CRPPA: variants seen among roughly 807,000 people sequenced by gnomAD.
CRPPA encodes the protein D-ribitol-5-phosphate cytidylyltransferase.
In CRPPA, 43 loss-of-function variants were observed where a neutral mutation model predicts 52.0. The observed-to-expected ratio is 0.83, with a 90% CI of 0.65 to 1.07. The LOEUF (loss-of-function observed/expected upper bound fraction) is 1.07, where lower values mean the gene tolerates loss of function less well. Among genes scored for constraint, CRPPA ranks in the 50% least tolerant of loss-of-function variants. The pLI, the probability that CRPPA is intolerant of heterozygous loss-of-function variation, is 0.00. For missense variants in CRPPA, 629 were observed against 551.7 expected (o/e 1.14, Z -1.40); for synonymous variants, 250 against 203.5 (o/e 1.23, Z -1.94).
At chr7:16,340,856 C>T (rs932676927) in intron 3 of CRPPA, among the ~76,000 whole-genome samples, 2 of 152,100 alleles carry the variant, frequency 1.3e-5, no homozygotes, top group African/African-American at 2.4e-5. Flanking sequence ...AGCAACCAAA[C>T]ATTCTTCAGT....
chr7:16,402,930 T>C (rs749730625), intron 2 of CRPPA, among the ~76,000 whole-genome samples: 120 of 152,092 alleles, frequency 7.9e-4, no homozygotes, highest in Non-Finnish European at 1.2e-3. Context: ...TCAATGTTCA[T>C]AAAGGACAAT....
chr7:16,204,863 T>A (rs755348445), intron 9 of CRPPA, among the ~76,000 whole-genome samples: 2 of 152,228 alleles, frequency 1.3e-5, no homozygotes, highest in African/African-American at 2.4e-5. Flanking sequence ...TTCCTAAGAT[T>A]TTTTAAAAAT....
At chr7:16,317,411 T>C (rs1785165623) in intron 3 of CRPPA, among the ~76,000 whole-genome samples, 1 of 152,206 alleles carries the variant, frequency 6.6e-6, no homozygotes, top group Non-Finnish European at 1.5e-5. Flanking sequence ...GGTTTAAATG[T>C]TACCAGATGC....
At chr7:16,292,286 T>A (rs933753348) in intron 5 of CRPPA, among the ~76,000 whole-genome samples, 3 of 151,980 alleles carry the variant, frequency 2.0e-5, no homozygotes, top group African/African-American at 7.2e-5. Context: ...TAGTATTTAT[T>A]GAAGCACATA....
At chr7:16,419,232 A>C (rs921964616) in intron 1 of CRPPA, among the ~76,000 whole-genome samples, 1 of 152,232 alleles carries the variant, frequency 6.6e-6, no homozygotes, top group Non-Finnish European at 1.5e-5. Flanking sequence ...TCCAAACTCC[A>C]ATATTCAGAA....
intron 9 of CRPPA, among the ~76,000 whole-genome samples, chr7:16,130,423 A>C (rs66933521): frequency 1.3e-5 from 2 of 151,982 alleles, no homozygotes; most frequent in Non-Finnish European, 2.9e-5. Context: ...AGAATAACCC[A>C]GCAGACTGTG....
chr7:16,298,810 A>G (rs958290443), intron 5 of CRPPA, among the ~76,000 whole-genome samples: 1 of 152,148 alleles, frequency 6.6e-6, no homozygotes, highest in Non-Finnish European at 1.5e-5. Flanking sequence ...CATCCAATCC[A>G]CTGAGGTCCT....
chr7:16,387,056 T>G (rs1475002597), intron 2 of CRPPA, among the ~76,000 whole-genome samples: 37 of 69,242 alleles, frequency 5.3e-4, no homozygotes, highest in Admixed American at 4.5e-3. Context: ...TATATATATA[T>G]ATATATATAT....
chr7:16,285,849 A>T (rs1784415035), intron 5 of CRPPA, among the ~76,000 whole-genome samples: 1 of 150,344 alleles, frequency 6.7e-6, no homozygotes, highest in Non-Finnish European at 1.5e-5. Context: ...GTGAAACCCC[A>T]TTTCCACTAA....
At chr7:16,263,772 T>C (rs940272681) in intron 6 of CRPPA, among the ~76,000 whole-genome samples, 1 of 150,886 alleles carries the variant, frequency 6.6e-6, no homozygotes, top group South Asian at 2.1e-4. Flanking sequence ...AAAAAAAGAA[T>C]GTACAATATA....
rs147864255 is a variant in CRPPA at position 16,407,257 on chromosome 7, C to T, written c.258-920G>A. Among the ~76,000 whole-genome samples the T allele has an allele frequency of 1.5e-3, 227 of 152,296 alleles. 1 individual carries two copies. Among genetic ancestry groups the T allele is most frequent in the African/African-American group, 4.9e-3 (205 of 41,564 alleles). The stretch of plus-strand genomic sequence containing the variant: ...CCTCCCAAAGTGTTGGGATTATAGG[C>T]ATGAGCCACCAAGCCCAGCCTGTAA... On this transcript the variant is annotated intron_variant, in intron 1 of 9. Transcript: ENST00000407010.
At chr7:16,252,424 T>C (rs1211619957) in intron 8 of CRPPA, among the ~76,000 whole-genome samples, 2 of 152,204 alleles carry the variant, frequency 1.3e-5, no homozygotes, top group Admixed American at 1.3e-4. Context: ...GAGCTATTTA[T>C]GACAAACCCA....
intron 6 of CRPPA, among the ~76,000 whole-genome samples, chr7:16,264,546 G>C (rs916799025): frequency 5.3e-5 from 8 of 152,264 alleles, no homozygotes; most frequent in Non-Finnish European, 7.4e-5. Context: ...AAAGCATTAA[G>C]GCCTAACTAA....
At chr7:16,355,260 G>A (rs971310086) in intron 3 of CRPPA, among the ~76,000 whole-genome samples, 1 of 152,110 alleles carries the variant, frequency 6.6e-6, no homozygotes, top group African/African-American at 2.4e-5. Flanking sequence ...TGCTTCTACT[G>A]AGTGGATACT....
chr7:16,202,889 T>C (rs888488075), intron 9 of CRPPA, among the ~76,000 whole-genome samples: 4 of 152,214 alleles, frequency 2.6e-5, no homozygotes, highest in Admixed American at 6.5e-5. Context: ...ATGTCTATGA[T>C]GTGACCCACC....
chr7:16,126,200 G>A (rs796852634), intron 9 of CRPPA, among the ~76,000 whole-genome samples: 6 of 152,090 alleles, frequency 3.9e-5, no homozygotes, highest in African/African-American at 1.4e-4. Context: ...GCAGTCAATA[G>A]GCTCTTCCCC....
chr7:16,288,627 C>T (rs1291478538), intron 5 of CRPPA, among the ~76,000 whole-genome samples: 2 of 151,856 alleles, frequency 1.3e-5, no homozygotes, highest in African/African-American at 2.4e-5. Flanking sequence ...GGGTGCATCA[C>T]CTGAGGTCAG....
intron 9 of CRPPA, among the ~76,000 whole-genome samples, chr7:16,207,559 C>A (rs532914559): frequency 6.6e-6 from 1 of 152,202 alleles, no homozygotes; most frequent in East Asian, 1.9e-4. Flanking sequence ...CTCCCTCACT[C>A]ACATATTATT....
At chr7:16,093,806 G>C (rs187962394) in intron 9 of CRPPA, among the ~76,000 whole-genome samples, 62 of 152,196 alleles carry the variant, frequency 4.1e-4, no homozygotes, top group African/African-American at 1.4e-3. Flanking sequence ...ATATGCATTT[G>C]TCATTCTTAA....
Sources: allele counts gnomAD v4.1 joint callset (sites outside exome capture counted in the v4.1 genomes callset), GRCh38; gene constraint gnomAD v4.1.1; transcripts MANE v1.5; gene names NCBI Gene and HGNC (gene_info 2026-07-23, HGNC 2026-07-21).